The following KRT79 variants were observed in gnomAD, a reference collection of about 807,000 sequenced individuals.
KRT79 encodes keratin, type II cytoskeletal 79.
A neutral mutation model predicts 49.0 loss-of-function variants in KRT79; 51 were observed. The ratio of observed to expected loss-of-function variants is 1.04; its 90% CI spans 0.83 to 1.31. KRT79 has a LOEUF of 1.31. KRT79 is among the 40% of genes most tolerant of loss of function. The pLI, the probability that KRT79 is intolerant of heterozygous loss-of-function variation, is 0.00. For missense variants in KRT79, 728 were observed against 688.0 expected (o/e 1.06, Z -0.65); for synonymous variants, 312 against 286.6 (o/e 1.09, Z -0.90).
intron 2 of KRT79, chr12:52,830,546 C>T (rs899622355): frequency 3.9e-6 from 2 of 506,426 alleles, no homozygotes; most frequent in Non-Finnish European, 7.1e-6. Context: ...GCTGCCATCT[C>T]TTTGGATCCA....
In KRT79 at chr12:52,821,930, G is replaced by T. The variant is rs775020026; in HGVS notation, c.1550C>A (p.Ala517Glu). ...YSTVKGGPVS[A>E]GTSILRKTTT... ...GGTCTTCCGCAGGATGGAGGTGCCC[G>T]CAGAGACTGGCCCTCCCTTGACGGT... is the stretch of plus-strand genomic sequence containing the variant. The change falls in exon 9 of 9, where the codon GCG (alanine) becomes GAG (glutamate). Residue 517 changes from alanine to glutamate, a missense_variant. Transcript: ENST00000330553. The T allele has an allele frequency of 1.2e-6, 2 of 1,614,142 alleles. No homozygotes were observed. The highest frequency in any genetic ancestry group is 1.7e-6 in the Non-Finnish European group (2 of 1,180,006).
chr12:52,821,649 C>T lies in KRT79; in HGVS notation c.*223G>A. 1.7e-6 allele frequency: 1 copy of T among 579,926 alleles called. No individual in the cohort carries two copies. The highest frequency in any genetic ancestry group is 3.1e-6 in the Non-Finnish European group (1 of 324,280). 35.9% of individuals were successfully genotyped at this position (579,926 alleles called of 1,614,324 possible). Reference sequence around the variant, plus strand: ...CCCCAAGTCACCCAAGCACATCACTCAAGCTGGCAACTTTAACCTTCCCTC... The same window carrying T: ...CCCCAAGTCACCCAAGCACATCACTTAAGCTGGCAACTTTAACCTTCCCTC... On this transcript the variant is annotated 3_prime_UTR_variant, in exon 9 of 9. Coordinates refer to ENST00000330553, the MANE Select transcript of KRT79 (RefSeq NM_175834.3).
At chr12:52,823,522 C>T (rs1940131547) in intron 6 of KRT79, among the ~76,000 whole-genome samples, 3 of 152,224 alleles carry the variant, frequency 2.0e-5, no homozygotes, top group Admixed American at 1.3e-4. Context: ...TAACCAGGTG[C>T]TTCATTCTAA....
At chr12:52,822,497 A>G (rs1371012491) in intron 7 of KRT79, 118 bp from the exon 8 acceptor site, 1 of 710,838 alleles carries the variant, frequency 1.4e-6, no homozygotes, top group Non-Finnish European at 2.4e-6. Context: ...TGACAAGACC[A>G]GGAAACATGA....
Position 52,823,162 on chromosome 12 carries a change from C to A in KRT79, c.1221G>T (p.Lys407Asn). 6.2e-7 allele frequency: 1 copy of A among 1,614,250 alleles called. No individual in the cohort carries two copies. Among genetic ancestry groups the A allele is most frequent in the Non-Finnish European group, 8.5e-7 (1 of 1,180,044 alleles). The part of the protein sequence containing the change: ...GELALKDAQK[K>N]LGDLDVALHQ... ...GCAGGGCCACATCCAGATCCCCAAG[C>A]TTCTTCTGAGCATCCTTGAGTGCCA... Residue 407 changes from lysine (K) to asparagine (N), a missense_variant, in exon 7 of 9, where the codon AAG becomes AAT. Physicochemically the swap from Lys to Asn is moderately conservative, Grantham distance 94. Coordinates refer to ENST00000330553, the MANE Select transcript of KRT79 (RefSeq NM_175834.3).
chr12:52,828,264 G>A (rs1226926112), intron 4 of KRT79, among the ~76,000 whole-genome samples: 1 of 152,210 alleles, frequency 6.6e-6, no homozygotes, highest in East Asian at 1.9e-4. Context: ...ACAGAAAAAT[G>A]TGATCCTGGT....
chr12:52,831,291 T>C, intron 2 of KRT79, 115 bp downstream of exon 2: 1 of 916,488 alleles, frequency 1.1e-6, no homozygotes, highest in South Asian at 1.5e-5. Flanking sequence ...GAGCCAGCTC[T>C]GTCTGTGCAT....
At chr12:52,828,991 T>C (rs1290977577) in intron 4 of KRT79, among the ~76,000 whole-genome samples, 1 of 152,162 alleles carries the variant, frequency 6.6e-6, no homozygotes, top group Non-Finnish European at 1.5e-5. Context: ...TTCAAGTCAG[T>C]GCTCTAATGA....
Position 52,821,913 on chromosome 12 carries a change from G to T in KRT79, c.1567C>A (p.Arg523=), listed in dbSNP as rs143730092. The change falls in exon 9 of 9, where the codon CGG becomes AGG. Residue 523 remains arginine, a synonymous_variant. Transcript: ENST00000330553. ...GPVSAGTSIL[R]KTTTVKTSSQ... ...GACGTCTTGACCGTAGTGGTCTTCC[G>T]CAGGATGGAGGTGCCCGCAGAGACT... The T allele has an allele frequency of 1.6e-5, 26 of 1,613,996 alleles. No homozygotes were observed. The highest frequency in any genetic ancestry group is 2.2e-5 in the East Asian group (1 of 44,880).
chr12:52,822,872 C>A, intron 7 of KRT79, 144 bp downstream of exon 7: 1 of 741,564 alleles, frequency 1.3e-6, no homozygotes, highest in Non-Finnish European at 2.2e-6. Flanking sequence ...AGGCAGTGGG[C>A]ACAAGCAGAT....
At chr12:52,831,798 G>C (rs367653865) in intron 1 of KRT79, among the ~76,000 whole-genome samples, 172 bp from the exon 2 acceptor site, 33 of 152,144 alleles carry the variant, frequency 2.2e-4, no homozygotes, top group Admixed American at 3.9e-4. Context: ...TGCTGGAAAC[G>C]ACCGTCCAAT....
chr12:52,822,942 G>A (rs1389133000), intron 7 of KRT79, 74 bp downstream of exon 7: 41 of 1,475,204 alleles, frequency 2.8e-5, no homozygotes, highest in Admixed American at 8.8e-5. Flanking sequence ...TCTTGACCCC[G>A]GAGCAGACTC....
At position 52,831,573 on chromosome 12, in the gene KRT79, C is replaced by T; in HGVS notation, c.531G>A (p.Leu177=). 1 of 1,614,260 alleles carries T rather than the reference C, an allele frequency of 6.2e-7. No homozygotes were observed. The highest frequency in any genetic ancestry group is 8.5e-7 in the Non-Finnish European group (1 of 1,180,046). The change falls in exon 2 of 9, where the codon CTG becomes CTA. Residue 177 remains leucine, a synonymous_variant. Coordinates refer to ENST00000330553, the MANE Select transcript of KRT79 (RefSeq NM_175834.3). The part of the protein sequence containing the change: ...NKVLETKWAL[L]QEQGQNLGVT... ...CACCCAAGTTCTGGCCCTGCTCCTGCAGCAGTGCCCACTTGGTCTCCAGCA... is the reference window on the plus strand; with the variant it reads ...CACCCAAGTTCTGGCCCTGCTCCTGTAGCAGTGCCCACTTGGTCTCCAGCA...
rs1430145741 is a variant in KRT79 at position 52,831,620 on chromosome 12, A to G, written c.484T>C (p.Phe162Leu). Residue 162 changes from phenylalanine to leucine, a missense_variant, in exon 2 of 9, where the codon TTC becomes CTC. Coordinates refer to ENST00000330553, the MANE Select transcript of KRT79 (RefSeq NM_175834.3). The part of the protein sequence containing the change: ...KFASFIDKVR[F>L]LEQQNKVLET... Reference sequence around the variant, plus strand: ...AGCACCTTATTCTGTTGCTCCAGGAACCGCACCTGAGCCAGAGCAGAAAGG... The same window carrying G: ...AGCACCTTATTCTGTTGCTCCAGGAGCCGCACCTGAGCCAGAGCAGAAAGG... 2.5e-6 allele frequency: 4 copies of G among 1,613,444 alleles called. No individual in the cohort carries two copies. The highest frequency in any genetic ancestry group is 1.3e-5 in the African/African-American group (1 of 74,946).
intron 2 of KRT79, 154 bp from the exon 3 acceptor site, chr12:52,830,446 A>T: frequency 3.2e-6 from 2 of 629,010 alleles, no homozygotes; most frequent in Non-Finnish European, 5.7e-6. Flanking sequence ...GTGAAGAAAC[A>T]TGGGGTCTGC....
Position 52,824,221 on chromosome 12 carries a change from C to A in KRT79, c.997G>T (p.Ala333Ser), listed in dbSNP as rs1180817524. 6.2e-7 allele frequency: 1 copy of A among 1,614,106 alleles called. No homozygotes were observed. Among genetic ancestry groups the A allele is most frequent in the African/African-American group, 1.3e-5 (1 of 74,936 alleles). Residue 333 changes from alanine to serine, a missense_variant, in exon 5 of 9, where the codon GCC becomes TCC. Coordinates refer to ENST00000330553, the MANE Select transcript of KRT79 (RefSeq NM_175834.3). ...ELIAQRSRAE[A>S]EAWYQTKYEE... ...ACCTTGGTCTGGTACCAGGCCTCGG[C>A]CTCAGCCCGGCTCCTCTGGGCAATC...
At chr12:52,822,179 G>T in intron 8 of KRT79, 102 bp from the exon 9 acceptor site, 1 of 1,371,210 alleles carries the variant, frequency 7.3e-7, no homozygotes, top group Non-Finnish European at 1.0e-6. Context: ...AAGCAGCAGA[G>T]CTATGGGAAA....
chr12:52,829,084 A>G (rs1940213357), intron 4 of KRT79, among the ~76,000 whole-genome samples: 1 of 152,164 alleles, frequency 6.6e-6, no homozygotes, highest in Non-Finnish European at 1.5e-5. Flanking sequence ...GTTACATATG[A>G]TAGGGTTATG....
rs372865732 is a variant in KRT79 at position 52,823,062 on chromosome 12, C to T, written c.1321G>A (p.Val441Met). The T allele has an allele frequency of 1.5e-5, 24 of 1,614,060 alleles. No homozygotes were observed. The highest frequency in any genetic ancestry group is 3.3e-5 in the Admixed American group (2 of 60,004). The change falls in exon 7 of 9, where the codon GTG becomes ATG. Residue 441 changes from valine to methionine, a missense_variant. Physicochemically the swap from Val to Met is conservative, Grantham distance 21. Coordinates refer to ENST00000330553, the MANE Select transcript of KRT79 (RefSeq NM_175834.3). Reference protein sequence around the residue: ...ELMNVKLALDVEIATYRKLLE... With the variant: ...ELMNVKLALDMEIATYRKLLE... ...AGCTTGCGGTAGGTGGCAATCTCCA[C>T]GTCCAGGGCCAGCTTGACATTCATC... is the stretch of plus-strand genomic sequence containing the variant.
Sources: allele counts gnomAD v4.1 joint callset (sites outside exome capture counted in the v4.1 genomes callset), GRCh38; gene constraint gnomAD v4.1.1; transcripts MANE v1.5; gene names NCBI Gene and HGNC (gene_info 2026-07-23, HGNC 2026-07-21).